SPON1: variants seen among roughly 807,000 people sequenced by gnomAD.
The protein encoded by SPON1 is spondin 1.
SPON1 carries 52 observed loss-of-function variants against 111.7 expected under a neutral mutation model. The ratio of observed to expected loss-of-function variants is 0.47; its 90% CI spans 0.37 to 0.59. The LOEUF is 0.59. SPON1 is among the 20% of genes least tolerant of loss of function. The pLI, the probability that SPON1 is intolerant of heterozygous loss-of-function variation, is 0.00. For missense variants in SPON1, 957 were observed against 1,068.5 expected (o/e 0.90, Z 1.46); for synonymous variants, 410 against 395.8 (o/e 1.04, Z -0.43).
At chr11:14,010,593 G>A (rs1554913613) in intron 2 of SPON1, among the ~76,000 whole-genome samples, 3 of 152,184 alleles carry the variant, frequency 2.0e-5, no homozygotes, top group Admixed American at 2.0e-4. Context: ...CTGCATGAGT[G>A]GAGTGTGTTT....
intron 7 of SPON1, among the ~76,000 whole-genome samples, chr11:14,251,383 G>A (rs1554940650): frequency 6.6e-6 from 1 of 152,180 alleles, no homozygotes; most frequent in East Asian, 1.9e-4. Flanking sequence ...TACAGATTTG[G>A]ATACAACAGA....
rs570852231 is a variant in SPON1, at chr11:14,213,643, G to A, written c.826-29689G>A. 1.5e-3 allele frequency among the ~76,000 whole-genome samples: 228 copies of A among 152,242 alleles called. 2 individuals carry two copies. In the South Asian group the frequency reaches 0.026, roughly 17 times the overall value. On this transcript the variant is annotated intron_variant, in intron 6 of 15. Coordinates refer to ENST00000576479, the MANE Select transcript of SPON1 (RefSeq NM_006108.4). The stretch of plus-strand genomic sequence containing the variant: ...GCTATATGCTATTAAGTAAGAATAG[G>A]AAACAGTCTCCAGCCTCAAGAGTCC...
At chr11:14,143,251 G>A (rs1394509763) in intron 6 of SPON1, among the ~76,000 whole-genome samples, 5 of 152,174 alleles carry the variant, frequency 3.3e-5, no homozygotes, top group Non-Finnish European at 5.9e-5. Flanking sequence ...CTGTGGGCAG[G>A]GCAGTTTATA....
intron 1 of SPON1, among the ~76,000 whole-genome samples, chr11:13,978,002 A>G (rs1334752359): frequency 6.6e-6 from 1 of 152,126 alleles, no homozygotes; most frequent in Non-Finnish European, 1.5e-5. Flanking sequence ...AAAACCATTA[A>G]TGGCCAAAAC....
chr11:14,075,292 A>G (rs1166523018), intron 3 of SPON1, 53 bp from the exon 4 acceptor site: 2 of 1,427,972 alleles, frequency 1.4e-6, no homozygotes, highest in East Asian at 5.0e-5. Flanking sequence ...TGATCTCCCA[A>G]ACCTGCCTTC....
intron 3 of SPON1, among the ~76,000 whole-genome samples, chr11:14,074,710 G>A (rs782367150): frequency 1.2e-4 from 19 of 152,066 alleles, no homozygotes; most frequent in East Asian, 1.9e-4. Context: ...AAATTAAAGC[G>A]AAAATATGTG....
intron 6 of SPON1, among the ~76,000 whole-genome samples, chr11:14,181,219 G>T (rs1848232259): frequency 6.6e-6 from 1 of 152,160 alleles, no homozygotes; most frequent in Admixed American, 6.6e-5. Context: ...CTAGCATATG[G>T]GGAGGAAAGC....
chr11:14,062,777 T>C (rs1284580122), intron 3 of SPON1, among the ~76,000 whole-genome samples: 15 of 152,178 alleles, frequency 9.9e-5, no homozygotes, highest in African/African-American at 3.4e-4. Context: ...CATGGAGATA[T>C]CCAGAAAGCT....
In SPON1 at chr11:14,113,585, T is replaced by A. The variant is rs1554925665; in HGVS notation, c.677-21835T>A. 4.7e-4 allele frequency among the ~76,000 whole-genome samples: 14 copies of A among 29,910 alleles called. 4 individuals carry two copies. Among genetic ancestry groups the A allele is most frequent in the African/African-American group, 1.8e-3 (13 of 7,054 alleles). The allele number at this position is 29,910 out of a possible 152,430, so 19.6% of individuals were successfully genotyped here. On this transcript the variant is annotated intron_variant, in intron 5 of 15. Coordinates refer to ENST00000576479, the MANE Select transcript of SPON1 (RefSeq NM_006108.4). ...CTTTTTAAATTTTTTTTTTTTTTTT[T>A]TTTTTTTTTTTTTTTTTTTTTTTTT...
chr11:14,029,651 C>G (rs1848544324), intron 2 of SPON1, among the ~76,000 whole-genome samples: 1 of 152,132 alleles, frequency 6.6e-6, no homozygotes, highest in African/African-American at 2.4e-5. Context: ...AGGCTCCACC[C>G]CATTCTCCCA....
chr11:13,965,397 T>C (rs1554907947), intron 1 of SPON1, among the ~76,000 whole-genome samples: 1 of 152,194 alleles, frequency 6.6e-6, no homozygotes, highest in Non-Finnish European at 1.5e-5. Context: ...CTCCGTGTTT[T>C]AGTTGAGCAT....
At chr11:13,990,622 A>G (rs1848222046) in intron 2 of SPON1, among the ~76,000 whole-genome samples, 1 of 151,902 alleles carries the variant, frequency 6.6e-6, no homozygotes, top group Admixed American at 6.6e-5. Context: ...TTATGATGCT[A>G]GCTGGTTGTT....
At chr11:13,963,411 G>A (rs1181608878) in intron 1 of SPON1, among the ~76,000 whole-genome samples, 3 of 152,170 alleles carry the variant, frequency 2.0e-5, no homozygotes, top group Non-Finnish European at 4.4e-5. Context: ...GGATGTAACT[G>A]AGCCACACGT....
chr11:14,197,975 T>C (rs1286911266), intron 6 of SPON1, among the ~76,000 whole-genome samples: 3 of 152,232 alleles, frequency 2.0e-5, no homozygotes, highest in African/African-American at 4.8e-5. Flanking sequence ...AATTTTGTTT[T>C]TATGTTTAAA....
At chr11:14,050,255 C>T (rs1271976424) in intron 3 of SPON1, among the ~76,000 whole-genome samples, 1 of 152,228 alleles carries the variant, frequency 6.6e-6, no homozygotes, top group African/African-American at 2.4e-5. Flanking sequence ...CCTCCCCACA[C>T]AGGACTCTGA....
rs549741033 is a variant in SPON1, at chr11:14,177,231, G to A, written c.825+41663G>A. On this transcript the variant is annotated intron_variant, in intron 6 of 15. Transcript: ENST00000576479. ...AATTTTTTGTATTTTTAGTAGAGAC[G>A]GGGTTTCACCTTGTTAGCCAGGATG... is the stretch of plus-strand genomic sequence containing the variant. Among the ~76,000 whole-genome samples the A allele has an allele frequency of 4.5e-3, 681 of 152,172 alleles. 3 individuals are homozygous for A. Among genetic ancestry groups the A allele is most frequent in the African/African-American group, 0.016 (662 of 41,506 alleles).
At chr11:14,263,126 T>C (rs1339833434) in intron 15 of SPON1, 151 bp downstream of exon 15, 9 of 792,448 alleles carry the variant, frequency 1.1e-5, no homozygotes, top group Admixed American at 3.0e-5. Context: ...TTTGATTCTT[T>C]AGATCCAAGT....
At chr11:14,018,218 AT>A (rs1297505727) in intron 2 of SPON1, among the ~76,000 whole-genome samples, 1 of 152,212 alleles carries the variant, frequency 6.6e-6, no homozygotes, top group Admixed American at 6.5e-5. Context: ...CTTTGTTCAA[AT>A]TTGACCACCT....
Position 14,257,720 on chromosome 11 carries a change from C to T in SPON1, c.1314C>T (p.Asp438=), listed in dbSNP as rs1849125043. 3 of 1,607,698 alleles carry T rather than the reference C, an allele frequency of 1.9e-6. No individual in the cohort carries two copies. The highest frequency in any genetic ancestry group is 2.2e-5 in the East Asian group (1 of 44,678). ...DLAPEEKDED[D]TPETCIYSNW... Reference sequence around the variant, plus strand: ...CATGTCAAACACTCTTTCCAGATGACACCCCTGAAACCTGCATCTACTCCA... The same window carrying T: ...CATGTCAAACACTCTTTCCAGATGATACCCCTGAAACCTGCATCTACTCCA... Residue 438 remains aspartate (D), a synonymous_variant, in exon 11 of 16, where the codon GAC becomes GAT. Coordinates refer to ENST00000576479, the MANE Select transcript of SPON1 (RefSeq NM_006108.4).
Sources: allele counts gnomAD v4.1 joint callset (sites outside exome capture counted in the v4.1 genomes callset), GRCh38; gene constraint gnomAD v4.1.1; transcripts MANE v1.5; gene names NCBI Gene and HGNC (gene_info 2026-07-23, HGNC 2026-07-21).